Variants in DLGAP1 observed in about 807,000 individuals in gnomAD.
DLGAP1 encodes disks large-associated protein 1.
A neutral mutation model predicts 90.8 loss-of-function variants in DLGAP1; 11 were observed. The observed-to-expected ratio is 0.12, with a 90% CI of 0.08 to 0.20. DLGAP1 has a LOEUF of 0.20. Ranked by LOEUF, DLGAP1 falls within the 10% of genes least tolerant of loss-of-function variation. The pLI is 1.00. For synonymous variants in DLGAP1, 558 were observed against 540.7 expected (o/e 1.03, Z -0.44); for missense variants, 1,050 against 1,333.8 (o/e 0.79, Z 3.31).
intron 7 of DLGAP1, among the ~76,000 whole-genome samples, chr18:3,672,398 A>G (rs2060122168): frequency 6.6e-6 from 1 of 151,692 alleles, no homozygotes; most frequent in Non-Finnish European, 1.5e-5. Context: ...GGCAATATGG[A>G]GAAACGTCAT....
chr18:4,449,189 AAAGT>A (rs1598439616), intron 1 of DLGAP1, among the ~76,000 whole-genome samples: 1 of 152,252 alleles, frequency 6.6e-6, no homozygotes, highest in African/African-American at 2.4e-5. Context: ...GGGTCAGAAT[AAAGT>A]AAGACAATTA....
chr18:3,861,231 G>A (rs1186524913), intron 4 of DLGAP1, among the ~76,000 whole-genome samples: 1 of 152,168 alleles, frequency 6.6e-6, no homozygotes, highest in Non-Finnish European at 1.5e-5. Flanking sequence ...AATTCCAATA[G>A]AGGATCTGTT....
chr18:4,155,705 T>TAA (rs757550120), intron 1 of DLGAP1, among the ~76,000 whole-genome samples: 3 of 152,272 alleles, frequency 2.0e-5, no homozygotes, highest in Middle Eastern at 3.4e-3. Context: ...TTTGTAACAT[T>TAA]AAACATGGTG....
chr18:3,750,414 G>C (rs1193805880), intron 5 of DLGAP1, among the ~76,000 whole-genome samples: 1 of 152,186 alleles, frequency 6.6e-6, no homozygotes, highest in East Asian at 1.9e-4. Flanking sequence ...ATTGTGAACA[G>C]TGCTGCAATA....
chr18:3,879,714 G>T lies in DLGAP1; in HGVS notation c.355C>A (p.His119Asn). ...GCCGTGCGCTTGTACTGCAGGGTGT[G>T]ATAGCCATCGCGGCTGAGTGGCAGC... The part of the protein sequence containing the change: ...RQLPLSRDGY[H>N]TLQYKRTAVE... Residue 119 changes from histidine to asparagine, a missense_variant, in exon 4 of 13, where the codon CAC becomes AAC. This residue lies in a region of DLGAP1 where 485 missense variants were observed against 454.1 expected (regional missense o/e 1.07). Transcript: ENST00000315677. The surrounding 1 kb of genome is among the most constrained non-coding windows in gnomAD (Gnocchi z 6.6). 1 of 1,608,782 alleles carries T rather than the reference G, an allele frequency of 6.2e-7. No homozygotes were observed. Among genetic ancestry groups the T allele is most frequent in the South Asian group, 1.1e-5 (1 of 91,070 alleles).
intron 5 of DLGAP1, among the ~76,000 whole-genome samples, chr18:3,808,488 C>G (rs573742586): frequency 3.3e-5 from 5 of 152,252 alleles, no homozygotes; most frequent in African/African-American, 1.2e-4. Context: ...TTCTTGTTCT[C>G]CCTACTTTGT....
intron 5 of DLGAP1, among the ~76,000 whole-genome samples, chr18:3,762,688 A>G (rs2064022668): frequency 6.6e-6 from 1 of 152,212 alleles, no homozygotes; most frequent in Admixed American, 6.5e-5. Flanking sequence ...CTGAAAGGTC[A>G]CAAAAAAGGT....
intron 5 of DLGAP1, among the ~76,000 whole-genome samples, chr18:3,782,644 A>C (rs2065252943): frequency 6.6e-6 from 1 of 152,230 alleles, no homozygotes; most frequent in Admixed American, 6.5e-5. Flanking sequence ...TTTTCACTGT[A>C]CTGATGAGCT....
chr18:3,826,660 G>T (rs2067731955), intron 4 of DLGAP1, among the ~76,000 whole-genome samples: 1 of 152,168 alleles, frequency 6.6e-6, no homozygotes. Context: ...GGAGTGTGGG[G>T]GTCCATTTCA....
intron 1 of DLGAP1, among the ~76,000 whole-genome samples, chr18:4,447,871 A>G (rs1165110173): frequency 6.6e-6 from 1 of 152,180 alleles, no homozygotes; most frequent in African/African-American, 2.4e-5. Context: ...TACTCCTATC[A>G]GTCCAAGAGG....
intron 10 of DLGAP1, among the ~76,000 whole-genome samples, chr18:3,514,234 G>A (rs1050767192): frequency 6.6e-6 from 1 of 151,992 alleles, no homozygotes; most frequent in African/African-American, 2.4e-5. Context: ...AGCCTCCCGA[G>A]TAGCTGGGAT....
At chr18:3,991,565 T>G (rs919711939) in intron 3 of DLGAP1, among the ~76,000 whole-genome samples, 4 of 152,214 alleles carry the variant, frequency 2.6e-5, no homozygotes, top group Non-Finnish European at 4.4e-5. Flanking sequence ...GGGTCTCTTC[T>G]GGAGGCTGAC....
At chr18:4,264,271 T>C (rs1371854030) in intron 1 of DLGAP1, among the ~76,000 whole-genome samples, 1 of 152,234 alleles carries the variant, frequency 6.6e-6, no homozygotes, top group Non-Finnish European at 1.5e-5. Context: ...AATCATTTGC[T>C]TTTCTCATCT....
At chr18:3,576,547 G>T (rs2055152718) in intron 8 of DLGAP1, among the ~76,000 whole-genome samples, 2 of 146,474 alleles carry the variant, frequency 1.4e-5, no homozygotes, top group South Asian at 4.4e-4. Flanking sequence ...GCATGAGCCA[G>T]CGCAGCCAGC....
intron 2 of DLGAP1, among the ~76,000 whole-genome samples, chr18:4,031,738 T>G (rs1312098696): frequency 6.6e-6 from 1 of 152,238 alleles, no homozygotes; most frequent in Non-Finnish European, 1.5e-5. Context: ...AAGTGTTCTT[T>G]GCAGTTTTTA....
chr18:3,647,607 A>G (rs1469981786), intron 7 of DLGAP1, among the ~76,000 whole-genome samples: 3 of 152,018 alleles, frequency 2.0e-5, no homozygotes, highest in Non-Finnish European at 4.4e-5. Context: ...CTGGGACTAC[A>G]GGTGTGTGCC....
chr18:3,507,267 T>C (rs1411660772), intron 11 of DLGAP1, among the ~76,000 whole-genome samples: 1 of 152,010 alleles, frequency 6.6e-6, no homozygotes, highest in African/African-American at 2.4e-5. Context: ...GGGAGGATCA[T>C]GAGGTCAGGA....
At chr18:4,020,683 A>T (rs1440944715) in intron 2 of DLGAP1, among the ~76,000 whole-genome samples, 1 of 152,188 alleles carries the variant, frequency 6.6e-6, no homozygotes, top group Non-Finnish European at 1.5e-5. Flanking sequence ...TAAGCTTGGG[A>T]AGGAATTTAG....
intron 1 of DLGAP1, among the ~76,000 whole-genome samples, chr18:4,357,954 T>C (rs2081557193): frequency 1.3e-5 from 2 of 152,246 alleles, no homozygotes; most frequent in Non-Finnish European, 2.9e-5. Flanking sequence ...CACTGTGAGT[T>C]TGTAGATTAT....
Sources: gnomAD v4.1 joint callset for allele counts (sites outside exome capture counted in the v4.1 genomes callset) on GRCh38, gnomAD v4.1.1 for gene constraint, gnomAD v4.1.1 regional missense constraint, Gnocchi (gnomAD v3.1) non-coding constraint, MANE v1.5 for transcripts, NCBI Gene and HGNC (gene_info 2026-07-23, HGNC 2026-07-21) for gene names.